Variants in PRRC2A observed in about 807,000 individuals in gnomAD.
PRRC2A encodes protein PRRC2A.
A neutral mutation model predicts 224.6 loss-of-function variants in PRRC2A; 59 were observed. The observed-to-expected ratio is 0.26, with a 90% CI of 0.21 to 0.33. PRRC2A has a LOEUF of 0.33. Ranked by LOEUF, PRRC2A falls within the 10% of genes least tolerant of loss-of-function variation. The pLI is 1.00. For missense variants in PRRC2A, 3,095 were observed against 2,880.7 expected (o/e 1.07, Z -1.70); for synonymous variants, 1,194 against 1,109.5 (o/e 1.08, Z -1.51).
chr6:31,629,526 C>T lies in PRRC2A; in HGVS notation c.1957-22C>T, dbSNP rs538448128. ...CATGTGTGCTTTGAGCCTCTCTCAT[C>T]TTGTCTTTCCTCCTTTCCTAGGAGC... On this transcript the variant is annotated intron_variant, in intron 13 of 30. Transcript: ENST00000376033. 17 of 1,489,380 alleles carry T rather than the reference C, an allele frequency of 1.1e-5. No individual in the cohort carries two copies. In the African/African-American group the frequency reaches 1.9e-4, roughly 17 times the overall value. 92.3% of individuals were successfully genotyped at this position (1,489,380 alleles called of 1,614,324 possible).
rs1208038696 is a variant in PRRC2A at position 31,632,233 on chromosome 6, C to T, written c.3560C>T (p.Pro1187Leu). 1.4e-5 allele frequency: 22 copies of T among 1,612,698 alleles called. 2 individuals carry two copies. In the Middle Eastern group the frequency reaches 4.9e-4, roughly 36 times the overall value. Reference protein sequence around the residue: ...PPPQVCPGWSPPAKSLAPKKP... With the variant: ...PPPQVCPGWSLPAKSLAPKKP... ...CCTCAAGTTTGCCCAGGCTGGAGCCCTCCAGCCAAGTCTCTGGCTCCCAAG... is the reference window on the plus strand; with the variant it reads ...CCTCAAGTTTGCCCAGGCTGGAGCCTTCCAGCCAAGTCTCTGGCTCCCAAG... The change falls in exon 16 of 31, where the codon CCT becomes CTT. Residue 1187 changes from proline to leucine, a missense_variant. Physicochemically the swap from Pro to Leu is moderately conservative, Grantham distance 98. Transcript: ENST00000376033.
Position 31,632,100 on chromosome 6 carries a change from G to A in PRRC2A, c.3427G>A (p.Gly1143Arg). 1 of 1,551,772 alleles carries A rather than the reference G, an allele frequency of 6.4e-7. No homozygotes were observed. ...GGTCCCTCTCGCTCCCCCACCACCA[G>A]GAGCCCCACCTTCACCAGCCCCAGC... ...TQVPLAPPPP[G>R]APPSPAPARF... is the part of the protein sequence containing the mutation. The change falls in exon 16 of 31, where the codon GGA becomes AGA. Residue 1143 changes from glycine to arginine, a missense_variant. Coordinates refer to ENST00000376033, the MANE Select transcript of PRRC2A (RefSeq NM_004638.4).
In PRRC2A at chr6:31,631,598, C is replaced by T; in HGVS notation, c.2925C>T (p.Thr975=). 6.5e-7 allele frequency: 1 copy of T among 1,546,344 alleles called. No homozygotes were observed. Among genetic ancestry groups the T allele is most frequent in the Non-Finnish European group, 8.7e-7 (1 of 1,151,626 alleles). ...PPKPLEQGDE[T]PKPPKPDPLK... is the part of the protein sequence containing the mutation. ...AGCCCCTCGAACAGGGGGATGAAAC[C>T]CCCAAACCCCCAAAGCCAGACCCAC... is the stretch of plus-strand genomic sequence containing the variant. The change falls in exon 16 of 31, where the codon ACC becomes ACT. Residue 975 remains threonine (T), a synonymous_variant. Coordinates refer to ENST00000376033, the MANE Select transcript of PRRC2A (RefSeq NM_004638.4). The surrounding 1 kb of genome is among the most constrained non-coding windows in gnomAD (Gnocchi z 4.5).
In PRRC2A at chr6:31,632,096, A is replaced by G; in HGVS notation, c.3423A>G (p.Pro1141=). Residue 1141 remains proline, a synonymous_variant, in exon 16 of 31, where the codon CCA becomes CCG. Coordinates refer to ENST00000376033, the MANE Select transcript of PRRC2A (RefSeq NM_004638.4). Reference sequence around the variant, plus strand: ...CCCAGGTCCCTCTCGCTCCCCCACCACCAGGAGCCCCACCTTCACCAGCCC... The same window carrying G: ...CCCAGGTCCCTCTCGCTCCCCCACCGCCAGGAGCCCCACCTTCACCAGCCC... ...TLTQVPLAPP[P]PGAPPSPAPA... is the part of the protein sequence containing the mutation. 1 of 1,550,894 alleles carries G rather than the reference A, an allele frequency of 6.4e-7. No homozygotes were observed. The highest frequency in any genetic ancestry group is 8.7e-7 in the Non-Finnish European group (1 of 1,147,772).
rs1255421521 is a variant in PRRC2A at position 31,637,437 on chromosome 6, G to T, written c.6334-9G>T. Reference sequence around the variant, plus strand: ...GTGACTCACTGTTTAACACATGCCTGTCCCCTAGGCCTCCCCACCAGATGC... The same window carrying T: ...GTGACTCACTGTTTAACACATGCCTTTCCCCTAGGCCTCCCCACCAGATGC... On this transcript the variant is annotated splice_polypyrimidine_tract_variant and intron_variant, in intron 30 of 30. Coordinates refer to ENST00000376033, the MANE Select transcript of PRRC2A (RefSeq NM_004638.4). 3.1e-6 allele frequency: 5 copies of T among 1,589,536 alleles called. No homozygotes were observed. Among genetic ancestry groups the T allele is most frequent in the Non-Finnish European group, 4.3e-6 (5 of 1,165,846 alleles).
chr6:31,633,227 C>G (rs773650584), intron 16 of PRRC2A, 152 bp from the exon 17 acceptor site: 6 of 1,194,258 alleles, frequency 5.0e-6, no homozygotes, highest in Admixed American at 2.4e-5. Context: ...CCAGTCTGTG[C>G]ATCTGTATGC....
chr6:31,635,883 CT>C, intron 24 of PRRC2A, 83 bp from the exon 25 acceptor site: 1 of 1,454,038 alleles, frequency 6.9e-7, no homozygotes, highest in Non-Finnish European at 9.3e-7. Context: ...TTTCTCCCTA[CT>C]TTTTGCTTCT....
At chr6:31,626,403 A>T (rs941825256) in intron 9 of PRRC2A, among the ~76,000 whole-genome samples, 3 of 151,812 alleles carry the variant, frequency 2.0e-5, no homozygotes, top group Admixed American at 2.0e-4. Context: ...AAAAAAAAAA[A>T]ATTTTTTAGT....
Position 31,636,609 on chromosome 6 carries a change from G to T in PRRC2A, c.5934+1G>T. On this transcript the variant is annotated splice_donor_variant, in intron 27 of 30. Coordinates refer to ENST00000376033, the MANE Select transcript of PRRC2A (RefSeq NM_004638.4). LOFTEE classifies it high-confidence loss of function. This position sits in a 1 kb window ranked among gnomAD's most constrained non-coding sequence, Gnocchi z 4.3. ...CCCTTCAGGGGCTCCTGCCCAGCAG[G>T]TATATTGTATCTTCACACTTCCCCT... 1 of 1,597,878 alleles carries T rather than the reference G, an allele frequency of 6.3e-7. No individual in the cohort carries two copies. Among genetic ancestry groups the T allele is most frequent in the African/African-American group, 1.3e-5 (1 of 74,448 alleles).
At chr6:31,629,983 C>A in intron 14 of PRRC2A, 138 bp downstream of exon 14, 2 of 1,377,446 alleles carry the variant, frequency 1.5e-6, no homozygotes, top group Non-Finnish European at 2.0e-6. Flanking sequence ...CTTGGCACTG[C>A]TGAGATAGCT....
At position 31,627,286 on chromosome 6, in the gene PRRC2A, G is replaced by A; in HGVS notation, c.1290+88G>A. 1 of 976,166 alleles carries A rather than the reference G, an allele frequency of 1.0e-6. No individual in the cohort carries two copies. The highest frequency in any genetic ancestry group is 1.5e-6 in the Non-Finnish European group (1 of 656,618). The allele number at this position is 976,166 out of a possible 1,614,324, so 60.5% of individuals were successfully genotyped here. A position where few individuals can be genotyped will look rare whatever the true frequency, so the allele number is the denominator to read the frequency against. Reference sequence around the variant, plus strand: ...TTGAAGCGGTTGTGATATAGAGGAAGGGGGGTGCTAAAAATGGGCTGTGTG... The same window carrying A: ...TTGAAGCGGTTGTGATATAGAGGAAAGGGGGTGCTAAAAATGGGCTGTGTG... On this transcript the variant is annotated intron_variant, in intron 11 of 30. Transcript: ENST00000376033. This position sits in a 1 kb window ranked among gnomAD's most constrained non-coding sequence, Gnocchi z 5.6.
Position 31,626,139 on chromosome 6 carries a change from A to C in PRRC2A, c.959A>C (p.Gln320Pro). 1 of 1,612,902 alleles carries C rather than the reference A, an allele frequency of 6.2e-7. No individual in the cohort carries two copies. The highest frequency in any genetic ancestry group is 8.5e-7 in the Non-Finnish European group (1 of 1,179,914). Residue 320 changes from glutamine to proline, a missense_variant, in exon 9 of 31, where the codon CAG (glutamine) becomes CCG (proline). Transcript: ENST00000376033. ...DNLKEFDQLD[Q>P]ENDDGWAGAH... ...CTCAAAGAGTTTGATCAGTTGGATC[A>C]GGAGAATGATGATGGTTGGGCAGGT...
intron 16 of PRRC2A, 114 bp from the exon 17 acceptor site, chr6:31,633,265 C>A: frequency 6.9e-7 from 1 of 1,458,646 alleles, no homozygotes; most frequent in Non-Finnish European, 9.3e-7. Context: ...GACTCAAAAA[C>A]ACCTGGACTT....
chr6:31,634,600 G>A lies in PRRC2A; in HGVS notation c.4935+43G>A, dbSNP rs371338060. On this transcript the variant is annotated intron_variant, in intron 20 of 30. Transcript: ENST00000376033. ...GGTGTGTCTGAGCTGGGACTTTTTT[G>A]AGCACTGGTCATACCCCCCACCTGC... The A allele has an allele frequency of 4.3e-4, 691 of 1,602,466 alleles. 1 individual carries two copies. Among genetic ancestry groups the A allele is most frequent in the Non-Finnish European group, 5.4e-4 (639 of 1,173,550 alleles).
At position 31,632,201 on chromosome 6, in the gene PRRC2A, GCCCCCTC is replaced by G; in HGVS notation, c.3530_3536del (p.Pro1177LeufsTer31). 1 of 1,606,446 alleles carries G rather than the reference GCCCCCTC, an allele frequency of 6.2e-7. No homozygotes were observed. Among genetic ancestry groups the G allele is most frequent in the Non-Finnish European group, 8.5e-7 (1 of 1,177,290 alleles). On this transcript the variant is annotated frameshift_variant, in exon 16 of 31. Coordinates refer to ENST00000376033, the MANE Select transcript of PRRC2A (RefSeq NM_004638.4). LOFTEE classifies it high-confidence loss of function. ...CTCGCCGGGGCCGAGGAGGAGGGAG[GCCCCCTC>G]CTCAAGTTTGCCCAGGCTGGAGCCC...
In PRRC2A at chr6:31,634,283, T is replaced by A; in HGVS notation, c.4767T>A (p.Pro1589=). 1 of 1,605,256 alleles carries A rather than the reference T, an allele frequency of 6.2e-7. No individual in the cohort carries two copies. Among genetic ancestry groups the A allele is most frequent in the Non-Finnish European group, 8.5e-7 (1 of 1,178,200 alleles). ...GCTCTGGATTCTTGGGCTCTAAGCCTGAGGGCCCAGGCCCTCAGGCAGAGT... is the reference window on the plus strand; with the variant it reads ...GCTCTGGATTCTTGGGCTCTAAGCCAGAGGGCCCAGGCCCTCAGGCAGAGT... ...PHSSGFLGSK[P]EGPGPQAESR... is the part of the protein sequence containing the mutation. The change falls in exon 19 of 31, where the codon CCT becomes CCA. Residue 1589 remains proline, a synonymous_variant. Transcript: ENST00000376033.
chr6:31,621,062 C>G (rs1775217986), intron 1 of PRRC2A, among the ~76,000 whole-genome samples: 1 of 152,204 alleles, frequency 6.6e-6, no homozygotes, highest in Non-Finnish European at 1.5e-5. Context: ...TCCGGCAGTT[C>G]ATTCAGGATC....
rs987865952 is a variant in PRRC2A, at chr6:31,624,851, T to G, written c.464-320T>G. On this transcript the variant is annotated intron_variant, in intron 5 of 30. Transcript: ENST00000376033. ...TCTCATTCTGTCACCCAGGCTGGAGTGCAGTGGCGCAATCTCGGCTCACTG... is the reference window on the plus strand; with the variant it reads ...TCTCATTCTGTCACCCAGGCTGGAGGGCAGTGGCGCAATCTCGGCTCACTG... The G allele has an allele frequency of 1.6e-5, 8 of 512,824 alleles. No homozygotes were observed. The Admixed American group carries it at 1.7e-4, about 11-fold the overall frequency. 31.8% of individuals were successfully genotyped at this position (512,824 alleles called of 1,614,324 possible).
intron 17 of PRRC2A, 86 bp from the exon 18 acceptor site, chr6:31,633,773 T>C (rs1367362861): frequency 6.5e-7 from 1 of 1,529,576 alleles, no homozygotes; most frequent in Admixed American, 2.2e-5. Context: ...GGAGCAAGGG[T>C]AGAAGAATTG....
Sources: gnomAD v4.1 joint callset for allele counts (sites outside exome capture counted in the v4.1 genomes callset) on GRCh38, gnomAD v4.1.1 for gene constraint, Gnocchi (gnomAD v3.1) non-coding constraint, MANE v1.5 for transcripts, NCBI Gene and HGNC (gene_info 2026-07-23, HGNC 2026-07-21) for gene names.